The following PLAC8L1 variants were observed in gnomAD, a reference collection of about 807,000 sequenced individuals.
PLAC8L1 encodes PLAC8-like protein 1.
In PLAC8L1, 13 loss-of-function variants were observed where a neutral mutation model predicts 16.3. The observed-to-expected ratio is 0.80, with a 90% CI of 0.52 to 1.27. The LOEUF (loss-of-function observed/expected upper bound fraction) is 1.27. PLAC8L1 is among the 50% of genes most tolerant of loss of function. PLAC8L1 has a pLI of 0.00. For missense variants in PLAC8L1, 184 were observed against 220.2 expected (o/e 0.84, Z 1.04); for synonymous variants, 78 against 79.3 (o/e 0.98, Z 0.09).
intron 2 of PLAC8L1, among the ~76,000 whole-genome samples, chr5:146,089,113 ATTGT>A (rs1763567765): frequency 6.6e-6 from 1 of 152,204 alleles, no homozygotes; most frequent in Non-Finnish European, 1.5e-5. Flanking sequence ...TTGTACAGAA[ATTGT>A]TTAAGTGCAT....
At position 146,098,291 on chromosome 5, in the gene PLAC8L1, C is replaced by G; in HGVS notation, c.121G>C (p.Gly41Arg). Residue 41 changes from glycine (G) to arginine (R), a missense_variant and splice_region_variant, in exon 2 of 4, where the codon GGC becomes CGC. Coordinates refer to ENST00000311450, the MANE Select transcript of PLAC8L1 (RefSeq NM_001029869.3). ...EDEHFISNLR[G>R]HVPASAVVKQ... ...ACCACAGCGCTGGCTGGTACATGGC[C>G]TCTGGAGAGTCAAGGATGATGATTA... 1 of 1,613,300 alleles carries G rather than the reference C, an allele frequency of 6.2e-7. No individual in the cohort carries two copies. The highest frequency in any genetic ancestry group is 8.5e-7 in the Non-Finnish European group (1 of 1,179,706).
rs143976203 is a variant in PLAC8L1 at position 146,085,521 on chromosome 5, C to G, written c.333G>C (p.Pro111=). 6.2e-6 allele frequency: 10 copies of G among 1,614,110 alleles called. No homozygotes were observed. In the African/African-American group the frequency reaches 1.3e-4, roughly 22 times the overall value. The change falls in exon 3 of 4, where the codon CCG becomes CCC. Residue 111 remains proline (P), a synonymous_variant. Coordinates refer to ENST00000311450, the MANE Select transcript of PLAC8L1 (RefSeq NM_001029869.3). ...GTGCAAAGGTGGACCCAGGTAACAA[C>G]GGCCAACAAAGACACTCTCCATAAT... is the stretch of plus-strand genomic sequence containing the variant. The part of the protein sequence containing the change: ...ARHYGECLCW[P]LLPGSTFALR...
intron 3 of PLAC8L1, among the ~76,000 whole-genome samples, chr5:146,084,966 C>T (rs955217906): frequency 2.0e-5 from 3 of 152,192 alleles, no homozygotes; most frequent in Non-Finnish European, 4.4e-5. Context: ...TCCAGCTGTC[C>T]CCAGCCATCC....
chr5:146,095,199 G>A (rs961328473), intron 2 of PLAC8L1, among the ~76,000 whole-genome samples: 8 of 152,060 alleles, frequency 5.3e-5, no homozygotes, highest in African/African-American at 1.9e-4. Flanking sequence ...CACAACTAGG[G>A]AACAAAAATT....
chr5:146,086,022 G>GTTTTTTTTTTT (rs1561781679), intron 2 of PLAC8L1, among the ~76,000 whole-genome samples: 13 of 111,016 alleles, frequency 1.2e-4, no homozygotes, highest in African/African-American at 4.5e-4. Flanking sequence ...TAATTGAAAG[G>GTTTTTTTTTTT]TCTTTTTTTT....
At chr5:146,095,059 T>C (rs1398663519) in intron 2 of PLAC8L1, among the ~76,000 whole-genome samples, 1 of 152,214 alleles carries the variant, frequency 6.6e-6, no homozygotes, top group African/African-American at 2.4e-5. Context: ...CCAAGACTCA[T>C]AGCACTCACA....
In PLAC8L1 at chr5:146,104,348, T is replaced by A; in HGVS notation, c.-37A>T. On this transcript the variant is annotated 5_prime_UTR_variant, in exon 1 of 4. Coordinates refer to ENST00000311450, the MANE Select transcript of PLAC8L1 (RefSeq NM_001029869.3). ...TTTTCTTGTCCTTTGGGCTATCCTTTTTCCCTTTGGCAATAAGCTGGTTTC... is the reference window on the plus strand; with the variant it reads ...TTTTCTTGTCCTTTGGGCTATCCTTATTCCCTTTGGCAATAAGCTGGTTTC... 2.0e-6 allele frequency: 3 copies of A among 1,519,236 alleles called. No homozygotes were observed. Among genetic ancestry groups the A allele is most frequent in the Non-Finnish European group, 2.7e-6 (3 of 1,094,924 alleles). The allele number at this position is 1,519,236 out of a possible 1,614,324, so 94.1% of individuals were successfully genotyped here.
At chr5:146,097,425 A>G (rs1326594005) in intron 2 of PLAC8L1, among the ~76,000 whole-genome samples, 2 of 152,234 alleles carry the variant, frequency 1.3e-5, no homozygotes, top group African/African-American at 2.4e-5. Flanking sequence ...AGAAAAGCAA[A>G]AAGGAAATAA....
chr5:146,084,481 T>C lies in PLAC8L1; in HGVS notation c.485A>G (p.Gln162Arg), dbSNP rs1379855627. 1.2e-6 allele frequency: 2 copies of C among 1,614,186 alleles called. No individual in the cohort carries two copies. Among genetic ancestry groups the C allele is most frequent in the Non-Finnish European group, 1.7e-6 (2 of 1,180,028 alleles). The change falls in exon 4 of 4, where the codon CAA becomes CGA. Residue 162 changes from glutamine (Q) to arginine (R), a missense_variant. Transcript: ENST00000311450. ...TGGGACTGCACAGATTTCATAGACTTGGGAGGTCCTCATCTTGAGTTCCCG... is the reference window on the plus strand; with the variant it reads ...TGGGACTGCACAGATTTCATAGACTCGGGAGGTCCTCATCTTGAGTTCCCG... Reference protein sequence around the residue: ...VARELKMRTSQVYEICAVPMT... With the variant: ...VARELKMRTSRVYEICAVPMT...
chr5:146,087,545 G>A (rs1177321623), intron 2 of PLAC8L1, among the ~76,000 whole-genome samples: 5 of 152,276 alleles, frequency 3.3e-5, no homozygotes, highest in African/African-American at 7.2e-5. Context: ...TTGAGACAGG[G>A]TGTCGCTCTG....
chr5:146,102,404 C>T (rs971176199), intron 1 of PLAC8L1, among the ~76,000 whole-genome samples: 2 of 152,144 alleles, frequency 1.3e-5, no homozygotes, highest in South Asian at 4.1e-4. Flanking sequence ...AAAATGATTG[C>T]TCATGTGTTG....
In PLAC8L1 at chr5:146,104,044, C is replaced by T. The variant is rs1763868091; in HGVS notation, c.119+149G>A. 12 of 1,397,306 alleles carry T rather than the reference C, an allele frequency of 8.6e-6. No homozygotes were observed. In the South Asian group the frequency reaches 1.4e-4, roughly 16 times the overall value. 86.6% of individuals were successfully genotyped at this position (1,397,306 alleles called of 1,614,324 possible). ...AAGGCCAGAAGGAACAAATCAGTTG[C>T]CCTCTTTTCAAGTTTGCATGGAGAA... On this transcript the variant is annotated intron_variant, in intron 1 of 3. Transcript: ENST00000311450.
chr5:146,085,339 A>T, intron 3 of PLAC8L1, 122 bp downstream of exon 3: 1 of 1,096,706 alleles, frequency 9.1e-7, no homozygotes, highest in South Asian at 2.1e-5. Flanking sequence ...AAAGTTTCCC[A>T]CTAAGCATGG....
chr5:146,103,152 A>G (rs1194482760), intron 1 of PLAC8L1, among the ~76,000 whole-genome samples: 3 of 151,980 alleles, frequency 2.0e-5, no homozygotes, highest in Middle Eastern at 6.8e-3. Context: ...CATGAGCAAG[A>G]CTCCCATCTC....
intron 2 of PLAC8L1, among the ~76,000 whole-genome samples, chr5:146,096,317 C>CT (rs1392837921): frequency 6.6e-6 from 1 of 152,170 alleles, no homozygotes; most frequent in East Asian, 1.9e-4. Flanking sequence ...TGTAAAGACT[C>CT]TATTTCCAAA....
chr5:146,103,956 C>T (rs2150039579), intron 1 of PLAC8L1: 4 of 985,410 alleles, frequency 4.1e-6, no homozygotes, highest in Non-Finnish European at 4.8e-6. Flanking sequence ...CAGGGTTCAA[C>T]ATTTTAAGAA....
chr5:146,104,509 C>A lies in PLAC8L1; in HGVS notation c.-198G>T. On this transcript the variant is annotated 5_prime_UTR_variant, in exon 1 of 4. The change abolishes an upstream ATG in the 5' untranslated region. Coordinates refer to ENST00000311450, the MANE Select transcript of PLAC8L1 (RefSeq NM_001029869.3). ...ACAGGTATACACCTAACTGTGGACA[C>A]ATTCATCTTACTAATCTGTAGGGAG... 2.0e-6 allele frequency: 1 copy of A among 490,206 alleles called. No homozygotes were observed. 30.4% of individuals were successfully genotyped at this position (490,206 alleles called of 1,614,324 possible).
Position 146,104,139 on chromosome 5 carries a change from C to T in PLAC8L1, c.119+54G>A, listed in dbSNP as rs1429856034. ...GGTTCCTTATAAGTAGAGGTTGATT[C>T]GATAGTCCAACTAAAGAGCAAAAGC... is the stretch of plus-strand genomic sequence containing the variant. On this transcript the variant is annotated intron_variant, in intron 1 of 3. Coordinates refer to ENST00000311450, the MANE Select transcript of PLAC8L1 (RefSeq NM_001029869.3). The T allele has an allele frequency of 2.0e-5, 32 of 1,594,410 alleles. No homozygotes were observed. In the South Asian group the frequency reaches 2.1e-4, roughly 11 times the overall value.
At chr5:146,101,554 C>T (rs1321512040) in intron 1 of PLAC8L1, among the ~76,000 whole-genome samples, 1 of 152,214 alleles carries the variant, frequency 6.6e-6, no homozygotes. Context: ...CCTGTATACC[C>T]ACTATCCCGC....
Sources: gnomAD v4.1 joint callset for allele counts (sites outside exome capture counted in the v4.1 genomes callset) on GRCh38, gnomAD v4.1.1 for gene constraint, MANE v1.5 for transcripts, NCBI Gene and HGNC (gene_info 2026-07-23, HGNC 2026-07-21) for gene names.